The following MACROD2 variants were observed in gnomAD, a reference collection of about 807,000 sequenced individuals.
MACROD2 encodes the protein ADP-ribose glycohydrolase MACROD2.
A neutral mutation model predicts 70.4 loss-of-function variants in MACROD2; 36 were observed. That is an observed-to-expected ratio of 0.51 (90% CI 0.39 to 0.68). The LOEUF (loss-of-function observed/expected upper bound fraction) is 0.68, where lower values mean the gene tolerates loss of function less well. Among genes scored for constraint, MACROD2 ranks in the 30% least tolerant of loss-of-function variants. MACROD2 has a pLI of 0.00. For missense variants in MACROD2, 496 were observed against 538.4 expected (o/e 0.92, Z 0.78); for synonymous variants, 172 against 178.8 (o/e 0.96, Z 0.30).
chr20:14,981,234 A>G (rs971058908), intron 5 of MACROD2, among the ~76,000 whole-genome samples: 2 of 152,084 alleles, frequency 1.3e-5, no homozygotes, highest in Admixed American at 1.3e-4. Flanking sequence ...CTTCCTTAGC[A>G]ATATTAAACA....
chr20:14,722,782 A>G (rs1317571351), intron 5 of MACROD2, among the ~76,000 whole-genome samples: 1 of 152,214 alleles, frequency 6.6e-6, no homozygotes, highest in Non-Finnish European at 1.5e-5. Flanking sequence ...AAAAAACAAA[A>G]ACAAAAAGGT....
At chr20:15,820,104 C>T (rs2063923046) in intron 8 of MACROD2, among the ~76,000 whole-genome samples, 3 of 152,098 alleles carry the variant, frequency 2.0e-5, no homozygotes, top group Middle Eastern at 6.8e-3. Context: ...CTAGGAGAAG[C>T]GACACTGTGT....
At chr20:15,336,785 GT>G (rs1202546868) in intron 6 of MACROD2, among the ~76,000 whole-genome samples, 1 of 151,452 alleles carries the variant, frequency 6.6e-6, no homozygotes, top group Non-Finnish European at 1.5e-5. Flanking sequence ...CCTTTTAACC[GT>G]AACACTGTTG....
At chr20:14,606,727 G>A (rs534691491) in intron 4 of MACROD2, among the ~76,000 whole-genome samples, 1 of 152,056 alleles carries the variant, frequency 6.6e-6, no homozygotes, top group African/African-American at 2.4e-5. Context: ...TTTTGTGTGT[G>A]TGATTTGGCT....
chr20:14,526,478 C>A (rs1025880247), intron 4 of MACROD2, among the ~76,000 whole-genome samples: 9 of 152,054 alleles, frequency 5.9e-5, no homozygotes, highest in African/African-American at 2.2e-4. Flanking sequence ...AATTGTTATT[C>A]CCTTAAAAAT....
At chr20:15,562,016 G>A (rs1184761205) in intron 8 of MACROD2, among the ~76,000 whole-genome samples, 1 of 152,070 alleles carries the variant, frequency 6.6e-6, no homozygotes, top group Non-Finnish European at 1.5e-5. Context: ...GAAGGAAGCA[G>A]CCTCTCTCGT....
intron 3 of MACROD2, among the ~76,000 whole-genome samples, chr20:14,351,019 G>C (rs2083118204): frequency 6.6e-6 from 1 of 152,118 alleles, no homozygotes; most frequent in South Asian, 2.1e-4. Context: ...TTTTCCCCAA[G>C]GTGTGTTCTT....
At chr20:14,831,864 A>G (rs1000630276) in intron 5 of MACROD2, among the ~76,000 whole-genome samples, 1 of 145,748 alleles carries the variant, frequency 6.9e-6, no homozygotes, top group African/African-American at 2.5e-5. Flanking sequence ...TGAGTTTGTC[A>G]TCGTTTTCGT....
intron 3 of MACROD2, among the ~76,000 whole-genome samples, chr20:14,178,054 CA>C (rs142209852): frequency 1.2e-3 from 177 of 151,960 alleles, no homozygotes; most frequent in African/African-American, 4.2e-3. Context: ...TAAATGAAGT[CA>C]AAAGACAACT....
rs1485758177 is a variant in MACROD2, at chr20:14,764,499, A to G, written c.418+79540A>G. Reference sequence around the variant, plus strand: ...TGCTCTAGTATACACTTGTGGGAGAAAAAAACTCTTACAAGCTATGGGGAC... The same window carrying G: ...TGCTCTAGTATACACTTGTGGGAGAGAAAAACTCTTACAAGCTATGGGGAC... On this transcript the variant is annotated intron_variant, in intron 5 of 17. Transcript: ENST00000684519. 3.9e-5 allele frequency among the ~76,000 whole-genome samples: 6 copies of G among 152,192 alleles called. No homozygotes were observed. In the East Asian group the frequency reaches 9.7e-4, roughly 25 times the overall value.
At chr20:14,783,459 C>T (rs962095093) in intron 5 of MACROD2, among the ~76,000 whole-genome samples, 2 of 152,142 alleles carry the variant, frequency 1.3e-5, no homozygotes, top group Non-Finnish European at 2.9e-5. Flanking sequence ...TTATTCTCCT[C>T]ATAATTTCAC....
At chr20:15,343,784 A>G (rs542863936) in intron 6 of MACROD2, among the ~76,000 whole-genome samples, 59 of 152,308 alleles carry the variant, frequency 3.9e-4, no homozygotes, top group African/African-American at 1.3e-3. Flanking sequence ...AGTTATTCAT[A>G]AAGCTGCCTG....
intron 4 of MACROD2, among the ~76,000 whole-genome samples, chr20:14,560,366 C>G (rs939170502): frequency 6.6e-6 from 1 of 150,406 alleles, no homozygotes; most frequent in Non-Finnish European, 1.5e-5. Context: ...TATACATGCC[C>G]GGATATACAG....
At chr20:14,138,027 A>G (rs1366653062) in intron 3 of MACROD2, among the ~76,000 whole-genome samples, 1 of 152,228 alleles carries the variant, frequency 6.6e-6, no homozygotes, top group Non-Finnish European at 1.5e-5. Context: ...GTCATCAGGG[A>G]AATGCAAATC....
intron 6 of MACROD2, among the ~76,000 whole-genome samples, chr20:15,420,550 C>T (rs2046213724): frequency 6.6e-6 from 1 of 151,966 alleles, no homozygotes; most frequent in African/African-American, 2.4e-5. Context: ...CTTTTGAATG[C>T]AGTTTTTGAA....
intron 6 of MACROD2, among the ~76,000 whole-genome samples, chr20:15,406,855 G>A (rs914190932): frequency 6.6e-6 from 1 of 152,136 alleles, no homozygotes; most frequent in Non-Finnish European, 1.5e-5. Flanking sequence ...TAAATCATGC[G>A]ACGTGTCGAG....
chr20:15,789,911 C>G (rs956374339), intron 8 of MACROD2, among the ~76,000 whole-genome samples: 2 of 151,922 alleles, frequency 1.3e-5, no homozygotes, highest in South Asian at 2.1e-4. Flanking sequence ...AGATGAAACT[C>G]GTTGATGAAT....
intron 5 of MACROD2, among the ~76,000 whole-genome samples, chr20:14,707,497 T>C (rs1049352990): frequency 2.0e-5 from 3 of 152,156 alleles, no homozygotes; most frequent in Non-Finnish European, 1.5e-5. Flanking sequence ...ACAAAATCCA[T>C]TGCTGTCTTA....
At chr20:14,218,544 C>A (rs897240422) in intron 3 of MACROD2, among the ~76,000 whole-genome samples, 4 of 152,162 alleles carry the variant, frequency 2.6e-5, no homozygotes, top group African/African-American at 9.7e-5. Context: ...CCATTGCATT[C>A]ATCATGATCT....
Sources: allele counts gnomAD v4.1 joint callset (sites outside exome capture counted in the v4.1 genomes callset), GRCh38; gene constraint gnomAD v4.1.1; transcripts MANE v1.5; gene names NCBI Gene and HGNC (gene_info 2026-07-23, HGNC 2026-07-21).